PCDH15: variants seen among roughly 807,000 people sequenced by gnomAD.
PCDH15 encodes the protein protocadherin-15.
PCDH15 carries 129 observed loss-of-function variants against 178.5 expected under a neutral mutation model. That is an observed-to-expected ratio of 0.72 (90% confidence interval 0.63 to 0.84). The LOEUF is 0.84. Ranked by LOEUF, PCDH15 falls within the 40% of genes least tolerant of loss-of-function variation. The pLI is 0.00. For missense variants in PCDH15, 2,230 were observed against 2,099.9 expected, an observed-to-expected ratio of 1.06 and a Z score of -1.21; for synonymous variants, 800 against 732.0, an observed-to-expected ratio of 1.09 and a Z score of -1.50.
intron 2 of PCDH15, among the ~76,000 whole-genome samples, chr10:54,947,216 C>G (rs1043767329): frequency 6.6e-6 from 1 of 151,852 alleles, no homozygotes. Flanking sequence ...CAGCACTGTG[C>G]TATTAAGGTT....
chr10:54,333,637 G>GA (rs11419553), intron 6 of PCDH15, among the ~76,000 whole-genome samples: 16,070 of 150,786 alleles, frequency 0.11, 945 homozygotes, highest in African/African-American at 0.14. Flanking sequence ...ATAAAGCCAT[G>GA]AAAAAAACAA....
intron 8 of PCDH15, among the ~76,000 whole-genome samples, chr10:54,260,012 A>G (rs889760518): frequency 2.0e-5 from 3 of 152,200 alleles, no homozygotes; most frequent in Non-Finnish European, 2.9e-5. Flanking sequence ...AATTTATGCC[A>G]CTAGAAGCAA....
chr10:54,181,759 T>G (rs755580946), intron 13 of PCDH15, among the ~76,000 whole-genome samples: 5 of 152,200 alleles, frequency 3.3e-5, no homozygotes, highest in African/African-American at 9.7e-5. Flanking sequence ...CATAGCAGTT[T>G]GAAACGTTTT....
At chr10:55,256,604 T>C (rs1022248357) in intron 1 of PCDH15, among the ~76,000 whole-genome samples, 1 of 152,162 alleles carries the variant, frequency 6.6e-6, no homozygotes, top group Non-Finnish European at 1.5e-5. Context: ...GAGGGTCCCA[T>C]GCCCATGAAG....
chr10:55,349,574 A>G (rs1056010810), intron 2 of PCDH15, among the ~76,000 whole-genome samples: 3 of 152,142 alleles, frequency 2.0e-5, no homozygotes, highest in Admixed American at 6.6e-5. Context: ...CTCACAGCAC[A>G]TAACATATTG....
At chr10:54,139,398 A>C (rs1219821092) in intron 14 of PCDH15, among the ~76,000 whole-genome samples, 1 of 152,194 alleles carries the variant, frequency 6.6e-6, no homozygotes, top group African/African-American at 2.4e-5. Flanking sequence ...ATTAAAATGA[A>C]ATAATCAAGT....
intron 1 of PCDH15, among the ~76,000 whole-genome samples, chr10:54,779,429 C>G (rs58513746): frequency 1.0e-5 from 1 of 99,686 alleles, no homozygotes. Context: ...TATACACACA[C>G]ATATGTGTAT....
chr10:55,077,450 C>CCCTTCCTTCCTTCCTTT (rs1564777249), intron 2 of PCDH15, among the ~76,000 whole-genome samples: 5 of 102,232 alleles, frequency 4.9e-5, no homozygotes, highest in South Asian at 3.2e-4. Context: ...TTCCTTCCTT[C>CCCTTCCTTCCTTCCTTT]CCTTCCTTCC....
At chr10:54,581,752 A>C (rs1389952576) in intron 2 of PCDH15, among the ~76,000 whole-genome samples, 1 of 152,118 alleles carries the variant, frequency 6.6e-6, no homozygotes, top group Non-Finnish European at 1.5e-5. Context: ...CAGAAAAGAG[A>C]ACCCAGAAGG....
chr10:54,935,288 G>A (rs965481718), intron 2 of PCDH15, among the ~76,000 whole-genome samples: 1 of 152,014 alleles, frequency 6.6e-6, no homozygotes, highest in Non-Finnish European at 1.5e-5. Context: ...TGCAGAGACC[G>A]ATGAAAATTC....
intron 1 of PCDH15, among the ~76,000 whole-genome samples, chr10:54,735,055 T>G (rs908235893): frequency 1.3e-5 from 2 of 152,022 alleles, no homozygotes; most frequent in African/African-American, 4.8e-5. Context: ...ACTTATTATA[T>G]GAAAACTAAA....
chr10:55,206,899 TTAAA>T (rs1260861866), intron 1 of PCDH15, among the ~76,000 whole-genome samples: 2 of 152,104 alleles, frequency 1.3e-5, no homozygotes, highest in Non-Finnish European at 2.9e-5. Flanking sequence ...TTTTGACCTC[TTAAA>T]TAAATCTCAT....
chr10:55,386,016 G>A (rs1011934019), intron 2 of PCDH15, among the ~76,000 whole-genome samples: 3 of 151,686 alleles, frequency 2.0e-5, no homozygotes, highest in South Asian at 2.1e-4. Context: ...AACAATGACA[G>A]TGAATATAAA....
chr10:54,089,383 C>T (rs2094563685), intron 16 of PCDH15, among the ~76,000 whole-genome samples: 1 of 152,186 alleles, frequency 6.6e-6, no homozygotes, highest in Non-Finnish European at 1.5e-5. Context: ...AGCTACCTTG[C>T]TATTGCAAAA....
chr10:54,318,320 T>C (rs2061401675), intron 7 of PCDH15, among the ~76,000 whole-genome samples: 1 of 152,168 alleles, frequency 6.6e-6, no homozygotes, highest in African/African-American at 2.4e-5. Flanking sequence ...TAAACACATC[T>C]GGTCTGTGAT....
At chr10:54,303,251 A>T (rs2060250888) in intron 8 of PCDH15, among the ~76,000 whole-genome samples, 1 of 152,058 alleles carries the variant, frequency 6.6e-6, no homozygotes, top group African/African-American at 2.4e-5. Context: ...TAATCTCTGT[A>T]TGCATTTTTT....
intron 1 of PCDH15, among the ~76,000 whole-genome samples, chr10:55,317,945 GA>G (rs1565002475): frequency 6.6e-6 from 1 of 152,176 alleles, no homozygotes; most frequent in Non-Finnish European, 1.5e-5. Context: ...ATAAAAGAAA[GA>G]AGGTGGAGAT....
Position 54,016,149 on chromosome 10 carries a change from G to A in PCDH15, c.2751+4043C>T, listed in dbSNP as rs562516585. Among the ~76,000 whole-genome samples the A allele has an allele frequency of 2.0e-5, 3 of 151,636 alleles. No individual in the cohort carries two copies. In the East Asian group the frequency reaches 5.8e-4, roughly 29 times the overall value. Reference sequence around the variant, plus strand: ...TTTCAGAAGAAGACATACATATGGTGAACAAGGATATGAAAAAATGCTCAT... The same window carrying A: ...TTTCAGAAGAAGACATACATATGGTAAACAAGGATATGAAAAAATGCTCAT... On this transcript the variant is annotated intron_variant, in intron 20 of 37. Transcript: ENST00000644397.
intron 7 of PCDH15, among the ~76,000 whole-genome samples, chr10:54,321,722 A>C (rs987842584): frequency 6.6e-6 from 1 of 151,216 alleles, no homozygotes; most frequent in East Asian, 1.9e-4. Context: ...ATTTACAGGA[A>C]GTGTATACCA....
Sources: gnomAD v4.1 joint callset for allele counts (sites outside exome capture counted in the v4.1 genomes callset) on GRCh38, gnomAD v4.1.1 for gene constraint, MANE v1.5 for transcripts, NCBI Gene and HGNC (gene_info 2026-07-23, HGNC 2026-07-21) for gene names.